The following HYDIN variants were observed in gnomAD, a reference collection of about 807,000 sequenced individuals.
The protein encoded by HYDIN is axonemal central pair apparatus protein HYDIN.
In HYDIN, 132 loss-of-function variants were observed where a neutral mutation model predicts 403.9. That is an observed-to-expected ratio of 0.33 (90% confidence interval 0.28 to 0.38). The LOEUF (loss-of-function observed/expected upper bound fraction) is 0.38. Ranked by LOEUF, HYDIN falls within the 10% of genes least tolerant of loss-of-function variation. The pLI, the probability that HYDIN is intolerant of heterozygous loss-of-function variation, is 1.00. For missense variants in HYDIN, 2,827 were observed against 5,009.5 expected, an observed-to-expected ratio of 0.56 and a Z score of 13.15; for synonymous variants, 1,202 against 1,891.7, an observed-to-expected ratio of 0.64 and a Z score of 9.46.
chr16:71,004,198 C>T (rs2079816622), intron 23 of HYDIN, among the ~76,000 whole-genome samples: 1 of 151,718 alleles, frequency 6.6e-6, no homozygotes, highest in African/African-American at 2.4e-5. Flanking sequence ...CCTGTAATCT[C>T]AGCTACTCAG....
intron 49 of HYDIN, 148 bp downstream of exon 49, chr16:70,908,104 T>C: frequency 1.6e-6 from 1 of 634,938 alleles, no homozygotes; most frequent in Non-Finnish European, 2.7e-6. Context: ...TCTTGGTCAA[T>C]ATTCAAGACA....
chr16:71,214,537 T>G (rs200111302), intron 1 of HYDIN, among the ~76,000 whole-genome samples: 2 of 152,164 alleles, frequency 1.3e-5, no homozygotes, highest in African/African-American at 2.4e-5. Flanking sequence ...ACAGTGTAAG[T>G]TGGAAGCACC....
chr16:71,172,767 A>G (rs2086519470), intron 5 of HYDIN, among the ~76,000 whole-genome samples: 1 of 152,236 alleles, frequency 6.6e-6, no homozygotes, highest in Non-Finnish European at 1.5e-5. Flanking sequence ...CTTACCATCC[A>G]GATGTGAGGA....
intron 23 of HYDIN, among the ~76,000 whole-genome samples, chr16:71,003,958 CT>C (rs1351497464): frequency 6.6e-6 from 1 of 151,474 alleles, no homozygotes; most frequent in African/African-American, 2.4e-5. Flanking sequence ...CAAATCTAGT[CT>C]CTTTTATTTA....
At chr16:70,838,200 T>G (rs1597087804) in intron 76 of HYDIN, among the ~76,000 whole-genome samples, 3 of 151,906 alleles carry the variant, frequency 2.0e-5, no homozygotes, top group Non-Finnish European at 4.4e-5. Flanking sequence ...CTTTCTTTCT[T>G]TTTTTTTGGA....
chr16:71,180,132 G>A (rs1237558864), intron 3 of HYDIN, among the ~76,000 whole-genome samples: 2 of 152,092 alleles, frequency 1.3e-5, no homozygotes, highest in Non-Finnish European at 2.9e-5. Context: ...AATACCTCAT[G>A]AGTTTGATCA....
chr16:70,962,738 C>T (rs1464675536), intron 37 of HYDIN, among the ~76,000 whole-genome samples: 2 of 146,636 alleles, frequency 1.4e-5, no homozygotes, highest in African/African-American at 5.1e-5. Flanking sequence ...CCCTCTACTA[C>T]AGGGCAAGAC....
At chr16:71,037,962 C>T (rs2081149649) in intron 18 of HYDIN, among the ~76,000 whole-genome samples, 1 of 152,118 alleles carries the variant, frequency 6.6e-6, no homozygotes, top group South Asian at 2.1e-4. Context: ...GCAAGAGAAA[C>T]CTAATACAGG....
At chr16:70,976,884 G>A (rs992320129) in intron 30 of HYDIN, among the ~76,000 whole-genome samples, 3 of 151,948 alleles carry the variant, frequency 2.0e-5, no homozygotes, top group Admixed American at 1.3e-4. Context: ...TGTGTGCCAT[G>A]GCCCACAGTG....
At chr16:70,899,881 G>A (rs2076314418) in intron 53 of HYDIN, among the ~76,000 whole-genome samples, 1 of 151,712 alleles carries the variant, frequency 6.6e-6, no homozygotes, top group Non-Finnish European at 1.5e-5. Context: ...CTTGAGCCAA[G>A]AAACAGCCAA....
intron 85 of HYDIN, 49 bp from the exon 86 acceptor site, chr16:70,808,111 C>G: frequency 1.3e-6 from 2 of 1,547,146 alleles, no homozygotes; most frequent in Non-Finnish European, 8.7e-7. Flanking sequence ...CTGAAGAGCA[C>G]ACCAGGAGCT....
At chr16:70,817,899 G>A (rs56287865) in intron 84 of HYDIN, among the ~76,000 whole-genome samples, 2,824 of 152,054 alleles carry the variant, frequency 0.019, 78 homozygotes, top group African/African-American at 0.065. Context: ...CCACCACCAT[G>A]CTGGGCTAAT....
chr16:70,866,442 A>T lies in HYDIN; in HGVS notation c.11311-113T>A, dbSNP rs958042082. On this transcript the variant is annotated intron_variant, in intron 66 of 85. Coordinates refer to ENST00000393567, the MANE Select transcript of HYDIN (RefSeq NM_001270974.2). ...TTCTAGGCATATATAAAATTTAGGT[A>T]CACTATGTGACAATAAAGTCCTGGT... is the stretch of plus-strand genomic sequence containing the variant. 7.2e-5 allele frequency: 65 copies of T among 902,364 alleles called. No homozygotes were observed. The African/African-American group carries it at 1.1e-3, about 15-fold the overall frequency. 55.9% of individuals were successfully genotyped at this position (902,364 alleles called of 1,614,324 possible). A position where few individuals can be genotyped will look rare whatever the true frequency, so the allele number is the denominator to read the frequency against.
At chr16:70,996,011 C>T (rs1246546631) in intron 23 of HYDIN, among the ~76,000 whole-genome samples, 2 of 150,528 alleles carry the variant, frequency 1.3e-5, no homozygotes, top group East Asian at 1.9e-4. Flanking sequence ...CCTGAGCTGC[C>T]TTCCCTCTCA....
intron 6 of HYDIN, among the ~76,000 whole-genome samples, chr16:71,156,253 GT>G (rs1250952216): frequency 1.3e-5 from 2 of 152,080 alleles, no homozygotes; most frequent in Admixed American, 1.3e-4. Flanking sequence ...TGTGCTAATC[GT>G]TGGGTTTAGG....
Position 70,837,861 on chromosome 16 carries a change from A to T in HYDIN, c.13071T>A (p.Thr4357=), listed in dbSNP as rs1190881367. ...MSIDCLYTNT[T]HLEVNSRVDV... ...CAACACGGGAGTTCACCTCGAGGTG[A>T]GTGGTGTTGGTGTACAGACAATCTA... The change falls in exon 77 of 86, where the codon ACT becomes ACA. Residue 4357 remains threonine, a synonymous_variant. Transcript: ENST00000393567. 2 of 1,613,704 alleles carry T rather than the reference A, an allele frequency of 1.2e-6. No individual in the cohort carries two copies. The highest frequency in any genetic ancestry group is 2.7e-5 in the African/African-American group (2 of 74,878).
chr16:71,103,925 G>A (rs993757206), intron 10 of HYDIN, among the ~76,000 whole-genome samples: 1 of 152,142 alleles, frequency 6.6e-6, no homozygotes, highest in Non-Finnish European at 1.5e-5. Context: ...TTTTCTATTT[G>A]TTTAGGTCTT....
At chr16:71,209,390 T>C (rs537841992) in intron 1 of HYDIN, among the ~76,000 whole-genome samples, 1 of 151,852 alleles carries the variant, frequency 6.6e-6, no homozygotes, top group Non-Finnish European at 1.5e-5. Flanking sequence ...TGAAGGAACA[T>C]ACCTCAAAAT....
intron 3 of HYDIN, among the ~76,000 whole-genome samples, chr16:71,181,216 GT>G (rs940165350): frequency 2.1e-4 from 31 of 146,260 alleles, no homozygotes; most frequent in East Asian, 5.9e-4. Context: ...AATCCCAGCA[GT>G]TTTTTTTTTG....
Sources: gnomAD v4.1 joint callset for allele counts (sites outside exome capture counted in the v4.1 genomes callset) on GRCh38, gnomAD v4.1.1 for gene constraint, MANE v1.5 for transcripts, NCBI Gene and HGNC (gene_info 2026-07-23, HGNC 2026-07-21) for gene names.